ACTR3C: variants seen among roughly 807,000 people sequenced by gnomAD.
ACTR3C encodes actin related protein 3C, also known as actin-related protein 3C.
In ACTR3C, 18 loss-of-function variants were observed where a neutral mutation model predicts 26.3. The ratio of observed to expected loss-of-function variants is 0.68; its 90% confidence interval spans 0.47 to 1.01. The LOEUF is 1.01. Among genes scored for constraint, ACTR3C ranks in the 50% least tolerant of loss-of-function variants. ACTR3C has a pLI of 0.00. For missense variants in ACTR3C, 184 were observed against 250.7 expected (o/e 0.73, Z 1.80); for synonymous variants, 55 against 94.5 (o/e 0.58, Z 2.42).
chr7:149,979,609 T>C, the ACTR3C span, among the ~76,000 whole-genome samples: 1 of 152,286 alleles, frequency 6.6e-6, no homozygotes, highest in Admixed American at 6.5e-5. Context: ...TTATTTTGAG[T>C]TACTAATTTG....
the ACTR3C span, among the ~76,000 whole-genome samples, chr7:150,034,986 T>A: frequency 9.9e-5 from 13 of 130,698 alleles, no homozygotes; most frequent in South Asian, 1.0e-3. Flanking sequence ...GGGGGGTGCC[T>A]CCCCCTCCTG....
chr7:150,085,498 G>A, the ACTR3C span, among the ~76,000 whole-genome samples: 1 of 152,164 alleles, frequency 6.6e-6, no homozygotes, highest in African/African-American at 2.4e-5. Flanking sequence ...GGCCATAAAA[G>A]TGGTGAGGAG....
At chr7:149,969,318 T>C in the ACTR3C span, among the ~76,000 whole-genome samples, 1 of 54,688 alleles carries the variant, frequency 1.8e-5, no homozygotes, top group South Asian at 7.8e-4. Context: ...TGTGTGTGTG[T>C]GTGTGTGTGT....
chr7:150,212,086 C>A, the ACTR3C span, among the ~76,000 whole-genome samples: 1 of 147,068 alleles, frequency 6.8e-6, no homozygotes. Context: ...TTCTAAAGCC[C>A]TAAAGATGAG....
chr7:150,208,375 T>C, the ACTR3C span, among the ~76,000 whole-genome samples: 4 of 152,122 alleles, frequency 2.6e-5, no homozygotes, highest in African/African-American at 9.7e-5. Context: ...AGAGAAACTC[T>C]CCAAGGTTGG....
the ACTR3C span, among the ~76,000 whole-genome samples, chr7:150,222,036 G>T: frequency 2.2e-5 from 3 of 135,742 alleles, no homozygotes; most frequent in East Asian, 2.0e-4. Context: ...CCCTTACATT[G>T]TCCATTTAAA....
At chr7:150,050,397 T>G in the ACTR3C span, among the ~76,000 whole-genome samples, 1 of 152,222 alleles carries the variant, frequency 6.6e-6, no homozygotes, top group African/African-American at 2.4e-5. Flanking sequence ...TGTGCCACTT[T>G]TAAAAATTAT....
downstream of ACTR3C, among the ~76,000 whole-genome samples, chr7:150,240,514 C>T (rs139167967): frequency 4.2e-3 from 644 of 152,166 alleles, 10 homozygotes; most frequent in African/African-American, 0.015. Context: ...CAAACCACCA[C>T]GGCACATGTA....
the ACTR3C span, among the ~76,000 whole-genome samples, chr7:150,035,969 A>T: frequency 4.0e-4 from 46 of 115,796 alleles, 4 homozygotes; most frequent in Middle Eastern, 6.0e-3. Flanking sequence ...GGGAAGAGGG[A>T]CTGGCTCTCA....
the ACTR3C span, among the ~76,000 whole-genome samples, chr7:150,032,175 T>C: frequency 6.6e-6 from 1 of 152,214 alleles, no homozygotes; most frequent in Admixed American, 6.5e-5. Flanking sequence ...TGGTGTGTCA[T>C]GATAATGCTA....
chr7:150,062,215 C>G, the ACTR3C span: 1 of 16,992 alleles, frequency 5.9e-5, no homozygotes, highest in Middle Eastern at 7.4e-3. Context: ...GGTGCTACAT[C>G]GTTAACAACA....
At chr7:150,083,875 T>G in the ACTR3C span, among the ~76,000 whole-genome samples, 1 of 152,208 alleles carries the variant, frequency 6.6e-6, no homozygotes, top group East Asian at 1.9e-4. Flanking sequence ...GAAACACTTG[T>G]GCACTGTTGG....
chr7:150,209,272 G>C, the ACTR3C span, among the ~76,000 whole-genome samples: 1 of 145,002 alleles, frequency 6.9e-6, no homozygotes, highest in East Asian at 1.9e-4. Flanking sequence ...GAAACAGAGA[G>C]AGAGAGAGAC....
the ACTR3C span, among the ~76,000 whole-genome samples, chr7:150,111,712 G>A: frequency 6.9e-5 from 9 of 130,610 alleles, no homozygotes; most frequent in South Asian, 2.4e-3. Context: ...CACAAGCCCC[G>A]CCACCCCAGC....
chr7:150,290,024 T>C (rs1836110922), intron 3 of ACTR3C, among the ~76,000 whole-genome samples: 1 of 152,118 alleles, frequency 6.6e-6, no homozygotes, highest in Non-Finnish European at 1.5e-5. Flanking sequence ...ATTTGGTTAA[T>C]ACACAGGGCT....
intron 3 of ACTR3C, among the ~76,000 whole-genome samples, chr7:150,292,724 C>T (rs559872557): frequency 2.6e-5 from 4 of 152,250 alleles, no homozygotes; most frequent in Non-Finnish European, 4.4e-5. Flanking sequence ...CTCGAATTCC[C>T]GACCTCAGGT....
chr7:150,120,958 T>A, the ACTR3C span, among the ~76,000 whole-genome samples: 1 of 152,010 alleles, frequency 6.6e-6, no homozygotes, highest in Non-Finnish European at 1.5e-5. Context: ...ACATAATACA[T>A]CACATAAACA....
chr7:150,276,509 C>T (rs1209526641), intron 6 of ACTR3C, among the ~76,000 whole-genome samples: 4 of 152,136 alleles, frequency 2.6e-5, no homozygotes, highest in South Asian at 2.1e-4. Context: ...GCAATCCCAG[C>T]GAAGTCTGAA....
chr7:149,951,755 C>A, the ACTR3C span, among the ~76,000 whole-genome samples: 1 of 151,178 alleles, frequency 6.6e-6, no homozygotes, highest in Non-Finnish European at 1.5e-5. Flanking sequence ...TAATTATAAC[C>A]AAATCCCATT....
Sources: gnomAD v4.1 joint callset for allele counts (sites outside exome capture counted in the v4.1 genomes callset) on GRCh38, gnomAD v4.1.1 for gene constraint, MANE v1.5 for transcripts, NCBI Gene and HGNC (gene_info 2026-07-23, HGNC 2026-07-21) for gene names.